The following LRRC4C variants were observed in gnomAD, a reference collection of about 807,000 sequenced individuals.
The protein encoded by LRRC4C is leucine-rich repeat-containing protein 4C.
LRRC4C carries 5 observed loss-of-function variants against 33.6 expected under a neutral mutation model. The observed-to-expected ratio is 0.15, with a 90% CI of 0.08 to 0.31. The LOEUF is 0.31. Among genes scored for constraint, LRRC4C ranks in the 10% least tolerant of loss-of-function variants. The pLI is 1.00. For missense variants in LRRC4C, 560 were observed against 796.7 expected (o/e 0.70, Z 3.58); for synonymous variants, 329 against 302.0 (o/e 1.09, Z -0.93).
At chr11:40,795,508 C>T (rs934313447) in intron 2 of LRRC4C, among the ~76,000 whole-genome samples, 3 of 151,766 alleles carry the variant, frequency 2.0e-5, no homozygotes, top group East Asian at 1.9e-4. Context: ...CCAGCCTGGG[C>T]GACAGAGCGA....
chr11:41,051,520 C>CAATAAAA (rs1858207631), intron 1 of LRRC4C, among the ~76,000 whole-genome samples: 1 of 60,288 alleles, frequency 1.7e-5, no homozygotes, highest in Non-Finnish European at 2.8e-5. Flanking sequence ...GGTCTCAAGG[C>CAATAAAA]AAAAAAAAAA....
intron 2 of LRRC4C, among the ~76,000 whole-genome samples, chr11:40,904,654 C>T (rs903737961): frequency 6.6e-6 from 1 of 152,060 alleles, no homozygotes; most frequent in Non-Finnish European, 1.5e-5. Flanking sequence ...CCACCACCAC[C>T]CATTCCCCCT....
At chr11:40,844,506 C>A (rs1427317035) in intron 2 of LRRC4C, among the ~76,000 whole-genome samples, 1 of 152,104 alleles carries the variant, frequency 6.6e-6, no homozygotes, top group Non-Finnish European at 1.5e-5. Context: ...GTGCTGTAGA[C>A]CTCTTGCTAG....
intron 3 of LRRC4C, among the ~76,000 whole-genome samples, chr11:40,402,316 G>A (rs1949790833): frequency 1.3e-5 from 2 of 152,042 alleles, no homozygotes; most frequent in Admixed American, 6.6e-5. Context: ...ATCAGTTCGT[G>A]TTTTTGTAGT....
chr11:40,336,363 C>T (rs1051833116), intron 3 of LRRC4C, among the ~76,000 whole-genome samples: 4 of 152,110 alleles, frequency 2.6e-5, no homozygotes, highest in Non-Finnish European at 5.9e-5. Context: ...ATACGTATTT[C>T]CCACATGCCA....
chr11:40,688,818 A>G (rs1174987411), intron 2 of LRRC4C, among the ~76,000 whole-genome samples: 1 of 152,126 alleles, frequency 6.6e-6, no homozygotes, highest in Non-Finnish European at 1.5e-5. Flanking sequence ...GTGGCTTTCA[A>G]GTGCTTCTGC....
intron 5 of LRRC4C, among the ~76,000 whole-genome samples, chr11:40,160,363 GATCCGGTACCTC>G (rs1471522405): frequency 6.6e-6 from 1 of 152,084 alleles, no homozygotes; most frequent in Non-Finnish European, 1.5e-5. Flanking sequence ...ATTGCAGAAG[GATCCGGTACCTC>G]ATCACAAGAC....
Position 40,965,959 on chromosome 11 carries a change from C to A in LRRC4C, c.-495-32236G>T, listed in dbSNP as rs530260908. The stretch of plus-strand genomic sequence containing the variant: ...CCTTGAATCTATAAATTACCTTGGG[C>A]AGTATGGCCATTTTCATGATATTGA... On this transcript the variant is annotated intron_variant, in intron 1 of 6. Coordinates refer to ENST00000528697, the MANE Select transcript of LRRC4C (RefSeq NM_001258419.2). Among the ~76,000 whole-genome samples, 528 of 152,028 alleles carry A rather than the reference C, an allele frequency of 3.5e-3. 4 individuals are homozygous for A. The highest frequency in any genetic ancestry group is 5.6e-3 in the Non-Finnish European group (382 of 67,996).
At chr11:40,489,946 A>G (rs1360312675) in intron 3 of LRRC4C, among the ~76,000 whole-genome samples, 3 of 152,124 alleles carry the variant, frequency 2.0e-5, no homozygotes, top group Non-Finnish European at 2.9e-5. Context: ...AACCATTGGT[A>G]CAAAACAATG....
intron 2 of LRRC4C, among the ~76,000 whole-genome samples, chr11:40,795,266 C>A (rs529081463): frequency 6.6e-6 from 1 of 152,240 alleles, no homozygotes; most frequent in South Asian, 2.1e-4. Context: ...CGGTGGCTCA[C>A]GCCTGTAATC....
intron 2 of LRRC4C, among the ~76,000 whole-genome samples, chr11:40,931,218 G>A (rs1241923439): frequency 1.3e-5 from 2 of 151,990 alleles, no homozygotes; most frequent in Non-Finnish European, 2.9e-5. Context: ...CAGAGGGAAG[G>A]GAAATGTGGA....
chr11:40,423,339 C>CTTT (rs35819704), intron 3 of LRRC4C, among the ~76,000 whole-genome samples: 1,268 of 90,918 alleles, frequency 0.014, 28 homozygotes, highest in East Asian at 0.02. Flanking sequence ...TGTTCATGTT[C>CTTT]TTTTTTTTTT....
intron 3 of LRRC4C, among the ~76,000 whole-genome samples, chr11:40,362,533 A>T (rs1010029154): frequency 3.9e-5 from 6 of 152,232 alleles, no homozygotes; most frequent in African/African-American, 1.4e-4. Context: ...CAGTCTGGCC[A>T]ACATGACAAA....
At chr11:40,569,210 T>C (rs943380470) in intron 3 of LRRC4C, among the ~76,000 whole-genome samples, 13 of 152,202 alleles carry the variant, frequency 8.5e-5, no homozygotes, top group African/African-American at 3.1e-4. Flanking sequence ...GACAAGTAAT[T>C]ATTGAATGCA....
intron 3 of LRRC4C, among the ~76,000 whole-genome samples, chr11:40,489,565 G>A (rs11035867): frequency 0.13 from 19,387 of 151,946 alleles, 1,401 homozygotes; most frequent in African/African-American, 0.18. Flanking sequence ...TGTTATTTCC[G>A]TCTCTGTAGT....
chr11:41,379,849 T>C (rs1051224514), intron 1 of LRRC4C, among the ~76,000 whole-genome samples: 4 of 152,158 alleles, frequency 2.6e-5, no homozygotes, highest in African/African-American at 9.6e-5. Context: ...GTATGAAATT[T>C]AGTTCTCTCC....
intron 2 of LRRC4C, among the ~76,000 whole-genome samples, chr11:40,930,820 C>T (rs1957586468): frequency 6.6e-6 from 1 of 152,072 alleles, no homozygotes; most frequent in Non-Finnish European, 1.5e-5. Flanking sequence ...TTACTGGGGG[C>T]CAAAACAAAT....
At chr11:40,916,652 C>G (rs1399816901) in intron 2 of LRRC4C, among the ~76,000 whole-genome samples, 1 of 151,520 alleles carries the variant, frequency 6.6e-6, no homozygotes, top group Non-Finnish European at 1.5e-5. Flanking sequence ...ACATATGTAA[C>G]AAACCTGCAC....
At chr11:40,400,792 T>C (rs113916404) in intron 3 of LRRC4C, among the ~76,000 whole-genome samples, 6 of 152,264 alleles carry the variant, frequency 3.9e-5, no homozygotes, top group African/African-American at 1.4e-4. Flanking sequence ...TAAGTCTTGG[T>C]TGGAATGTCA....
Sources: gnomAD v4.1 joint callset for allele counts (sites outside exome capture counted in the v4.1 genomes callset) on GRCh38, gnomAD v4.1.1 for gene constraint, MANE v1.5 for transcripts, NCBI Gene and HGNC (gene_info 2026-07-23, HGNC 2026-07-21) for gene names.